CNTN1: variants seen among roughly 807,000 people sequenced by gnomAD.
CNTN1 encodes the protein contactin 1, also known as contactin-1.
Under a neutral mutation model 126.4 loss-of-function variants are expected in CNTN1, and 38 were observed. The ratio of observed to expected loss-of-function variants is 0.30; its 90% CI spans 0.23 to 0.39. CNTN1 has a LOEUF of 0.39. Among genes scored for constraint, CNTN1 ranks in the 10% least tolerant of loss-of-function variants. The pLI is 1.00. For missense variants in CNTN1, 1,009 were observed against 1,248.4 expected, an observed-to-expected ratio of 0.81 and a Z score of 2.89; for synonymous variants, 413 against 422.6, an observed-to-expected ratio of 0.98 and a Z score of 0.28.
chr12:40,725,331 G>A (rs932202098), intron 1 of CNTN1, among the ~76,000 whole-genome samples: 1 of 145,940 alleles, frequency 6.9e-6, no homozygotes, highest in Non-Finnish European at 1.5e-5. Flanking sequence ...AACCTGAGAG[G>A]CAGAGGTTGC....
intron 11 of CNTN1, among the ~76,000 whole-genome samples, chr12:40,938,013 CA>C (rs1946138721): frequency 6.6e-6 from 1 of 152,140 alleles, no homozygotes; most frequent in Admixed American, 6.5e-5. Context: ...GATTTTAATA[CA>C]AAGATAATTT....
chr12:40,894,957 G>A (rs1277964376), intron 1 of CNTN1, among the ~76,000 whole-genome samples: 2 of 152,098 alleles, frequency 1.3e-5, no homozygotes, highest in African/African-American at 4.8e-5. Context: ...AGAGGGGAAA[G>A]AACATTATAG....
intron 17 of CNTN1, among the ~76,000 whole-genome samples, chr12:41,000,466 T>C (rs1294087128): frequency 6.6e-6 from 1 of 152,170 alleles, no homozygotes. Flanking sequence ...ACTCCAGCTC[T>C]TAATATATAT....
intron 16 of CNTN1, among the ~76,000 whole-genome samples, chr12:40,992,164 G>T (rs1158029644): frequency 2.6e-5 from 4 of 152,186 alleles, no homozygotes; most frequent in Admixed American, 6.5e-5. Context: ...GATGGCAAAA[G>T]TAGTGTCTAG....
intron 1 of CNTN1, among the ~76,000 whole-genome samples, chr12:40,790,425 C>T (rs1940175923): frequency 6.6e-6 from 1 of 152,070 alleles, no homozygotes; most frequent in African/African-American, 2.4e-5. Context: ...AACTTGACCC[C>T]TAGATTAGAG....
intron 1 of CNTN1, among the ~76,000 whole-genome samples, chr12:40,710,638 G>A (rs1276289086): frequency 3.9e-5 from 6 of 152,094 alleles, no homozygotes; most frequent in Non-Finnish European, 8.8e-5. Context: ...AATTTCCACT[G>A]AATATGGAAA....
chr12:40,956,390 G>A (rs1946881739), intron 14 of CNTN1, among the ~76,000 whole-genome samples: 1 of 152,088 alleles, frequency 6.6e-6, no homozygotes, highest in African/African-American at 2.4e-5. Context: ...TTTACGATAT[G>A]TAATATGACA....
At chr12:40,736,751 A>G (rs897477068) in intron 1 of CNTN1, among the ~76,000 whole-genome samples, 1 of 152,096 alleles carries the variant, frequency 6.6e-6, no homozygotes, top group East Asian at 1.9e-4. Flanking sequence ...AATTTAAAGC[A>G]GAAAGTAATG....
At chr12:41,068,011 T>C (rs1286484085) in intron 23 of CNTN1, among the ~76,000 whole-genome samples, 2 of 152,234 alleles carry the variant, frequency 1.3e-5, no homozygotes, top group Non-Finnish European at 2.9e-5. Flanking sequence ...ATTTTCCTTC[T>C]GTGCCCTTGC....
At chr12:41,000,250 G>T (rs1948323445) in intron 17 of CNTN1, among the ~76,000 whole-genome samples, 1 of 152,058 alleles carries the variant, frequency 6.6e-6, no homozygotes, top group African/African-American at 2.4e-5. Flanking sequence ...TTGTCCTAAG[G>T]AAGGCAATAT....
intron 15 of CNTN1, among the ~76,000 whole-genome samples, chr12:40,963,122 T>TA (rs1403776335): frequency 2.0e-5 from 3 of 151,976 alleles, no homozygotes; most frequent in Non-Finnish European, 2.9e-5. Context: ...TGAATCTATA[T>TA]AAAAAATGAA....
chr12:40,774,814 A>G (rs1172653868), intron 1 of CNTN1, among the ~76,000 whole-genome samples: 2 of 151,374 alleles, frequency 1.3e-5, no homozygotes, highest in Admixed American at 6.6e-5. Context: ...AAAGTTTACT[A>G]AAATATTTAA....
intron 1 of CNTN1, among the ~76,000 whole-genome samples, chr12:40,903,762 A>T (rs1944700483): frequency 1.3e-5 from 2 of 152,214 alleles, no homozygotes. Flanking sequence ...AAACATTTTG[A>T]AGTGAAGGAA....
intron 1 of CNTN1, among the ~76,000 whole-genome samples, chr12:40,720,003 A>ATTTTTTTT (rs561694238): frequency 3.9e-5 from 5 of 127,238 alleles, no homozygotes; most frequent in Non-Finnish European, 6.7e-5. Flanking sequence ...CGCCCGGTTA[A>ATTTTTTTT]TTTTTTTTTT....
chr12:40,748,161 A>C (rs1938260054), intron 1 of CNTN1, among the ~76,000 whole-genome samples: 1 of 152,148 alleles, frequency 6.6e-6, no homozygotes, highest in African/African-American at 2.4e-5. Flanking sequence ...TGGGGAATAA[A>C]ATAATAGATG....
At chr12:41,065,378 C>A (rs1950027894) in intron 23 of CNTN1, among the ~76,000 whole-genome samples, 1 of 152,110 alleles carries the variant, frequency 6.6e-6, no homozygotes, top group Non-Finnish European at 1.5e-5. Flanking sequence ...TATTGATACT[C>A]ATATTAGCCA....
intron 1 of CNTN1, among the ~76,000 whole-genome samples, chr12:40,899,316 T>C (rs771383271): frequency 5.3e-5 from 8 of 152,184 alleles, no homozygotes; most frequent in Non-Finnish European, 1.0e-4. Flanking sequence ...TGAGCAACAA[T>C]GGTAGTTAAA....
chr12:40,937,617 C>T lies in CNTN1; in HGVS notation c.1158C>T (p.Ala386=), dbSNP rs74549636. 1.6e-5 allele frequency: 25 copies of T among 1,612,734 alleles called. 1 individual carries two copies. The highest frequency in any genetic ancestry group is 1.1e-4 in the South Asian group (10 of 91,058). ...TGTATGATGTGACTTTTGAAAATGC[C>T]GGAATGTATCAGTGCATAGCTGAAA... ...LRLYDVTFEN[A]GMYQCIAENT... is the part of the protein sequence containing the mutation. Residue 386 remains alanine (A), a synonymous_variant, in exon 11 of 24, where the codon GCC becomes GCT. Coordinates refer to ENST00000551295, the MANE Select transcript of CNTN1 (RefSeq NM_001843.4).
At chr12:40,932,049 T>C (rs1437577630) in intron 7 of CNTN1, among the ~76,000 whole-genome samples, 1 of 151,938 alleles carries the variant, frequency 6.6e-6, no homozygotes, top group Non-Finnish European at 1.5e-5. Context: ...CTCCTCTCCA[T>C]GCTCCATCCT....
Sources: allele counts gnomAD v4.1 joint callset (sites outside exome capture counted in the v4.1 genomes callset), GRCh38; gene constraint gnomAD v4.1.1; transcripts MANE v1.5; gene names NCBI Gene and HGNC (gene_info 2026-07-23, HGNC 2026-07-21).